Variants in TMEM79 observed in about 807,000 individuals in gnomAD.
TMEM79 encodes the protein transmembrane protein 79, also known as mattrin.
TMEM79 carries 30 observed loss-of-function variants against 31.2 expected under a neutral mutation model. The ratio of observed to expected loss-of-function variants is 0.96; its 90% confidence interval spans 0.72 to 1.30. TMEM79 has a LOEUF of 1.30. Among genes scored for constraint, TMEM79 ranks in the 50% most tolerant of loss-of-function variants. TMEM79 has a pLI of 0.00. For missense variants in TMEM79, 509 were observed against 528.2 expected (o/e 0.96, Z 0.36); for synonymous variants, 213 against 229.5 (o/e 0.93, Z 0.65).
upstream of TMEM79, among the ~76,000 whole-genome samples, chr1:156,283,821 G>A (rs1215363741): frequency 1.2e-4 from 18 of 152,108 alleles, no homozygotes; most frequent in Non-Finnish European, 2.9e-5. Flanking sequence ...TTCCCATCAG[G>A]TTTCAGCTCA....
At chr1:156,286,514 T>G (rs1386420036) in intron 3 of TMEM79, 41 bp downstream of exon 3, 1 of 1,598,246 alleles carries the variant, frequency 6.3e-7, no homozygotes, top group African/African-American at 1.3e-5. Context: ...GAGGGGATGG[T>G]GCTAGAGAAC....
chr1:156,285,588 T>C lies in TMEM79; in HGVS notation c.362T>C (p.Leu121Pro), dbSNP rs1300153513. 1 of 1,614,248 alleles carries C rather than the reference T, an allele frequency of 6.2e-7. No homozygotes were observed. Among genetic ancestry groups the C allele is most frequent in the East Asian group, 2.2e-5 (1 of 44,896 alleles). ...CTGCCCGAAGACGATGCCAACCTGC[T>C]GCCTGAGAAAGCGGCCCGTGCCTTC... ...EELPEDDANL[L>P]PEKAARAFVP... The change falls in exon 2 of 4, where the codon CTG becomes CCG. Residue 121 changes from leucine to proline, a missense_variant. Coordinates refer to ENST00000405535, the MANE Select transcript of TMEM79 (RefSeq NM_032323.3).
At chr1:156,283,707 C>A (rs1663066638), upstream of TMEM79, among the ~76,000 whole-genome samples, 2 of 152,198 alleles carry the variant, frequency 1.3e-5, no homozygotes, top group Admixed American at 1.3e-4. Context: ...ATGCTCCTGG[C>A]TGCAGCCACC....
chr1:156,288,889 G>C (rs528158128), intron 3 of TMEM79, among the ~76,000 whole-genome samples: 1 of 152,132 alleles, frequency 6.6e-6, no homozygotes, highest in Admixed American at 6.6e-5. Flanking sequence ...ATAGAAGTTG[G>C]CTTAAGCAGT....
chr1:156,282,959 G>A (rs550207964), upstream of TMEM79: 34 of 531,750 alleles, frequency 6.4e-5, no homozygotes, highest in Non-Finnish European at 9.6e-5. Flanking sequence ...GCAGCATGGC[G>A]TCTTTCCGGC....
chr1:156,289,436 G>A (rs1004154054), intron 3 of TMEM79, among the ~76,000 whole-genome samples: 2 of 152,140 alleles, frequency 1.3e-5, no homozygotes, highest in Admixed American at 6.5e-5. Flanking sequence ...GTGAAACCAC[G>A]TCTCTACTAA....
intron 3 of TMEM79, among the ~76,000 whole-genome samples, chr1:156,288,021 T>C (rs1319619230): frequency 6.6e-6 from 1 of 151,870 alleles, no homozygotes; most frequent in African/African-American, 2.4e-5. Context: ...GAGACCATCC[T>C]GGCTAACACG....
Position 156,285,835 on chromosome 1 carries a change from C to G in TMEM79, c.609C>G (p.Ser203=). 6.2e-7 allele frequency: 1 copy of G among 1,613,600 alleles called. No individual in the cohort carries two copies. The highest frequency in any genetic ancestry group is 8.5e-7 in the Non-Finnish European group (1 of 1,180,016). Residue 203 remains serine (S), a synonymous_variant, in exon 2 of 4, where the codon TCC becomes TCG. Coordinates refer to ENST00000405535, the MANE Select transcript of TMEM79 (RefSeq NM_032323.3). ...GTGAGTGGCTAAGGGCTGTGGCCTC[C>G]GTGGGAGCCGCACTCATTCTCTTCC... is the stretch of plus-strand genomic sequence containing the variant. The part of the protein sequence containing the change: ...GDREWLRAVA[S]VGAALILFPC...
In TMEM79 at chr1:156,285,536, T is replaced by A. The variant is rs75902624; in HGVS notation, c.310T>A (p.Ser104Thr). 2,804 of 1,614,076 alleles carry A rather than the reference T, an allele frequency of 1.7e-3. 46 individuals are homozygous for A. In the African/African-American group the frequency reaches 0.033, roughly 19 times the overall value. The change falls in exon 2 of 4, where the codon TCA (serine) becomes ACA (threonine). Residue 104 changes from serine to threonine, a missense_variant. Physicochemically the swap from Ser to Thr is moderately conservative, Grantham distance 58 (BLOSUM62 1). Transcript: ENST00000405535. The stretch of plus-strand genomic sequence containing the variant: ...GGACATTGAACCAGAGCCCCCTGAG[T>A]CAGAACCACTTACCAAGCTAGAGGA... ...WRDIEPEPPE[S>T]EPLTKLEELP...
chr1:156,286,065 T>C, intron 2 of TMEM79, 82 bp downstream of exon 2: 1 of 1,529,798 alleles, frequency 6.5e-7, no homozygotes, highest in South Asian at 1.3e-5. Context: ...GCAGGAGGAT[T>C]TCCCTTCACT....
chr1:156,284,149 T>C (rs926170517), upstream of TMEM79: 3 of 152,218 alleles, frequency 2.0e-5, no homozygotes, highest in African/African-American at 7.2e-5. Flanking sequence ...AATGTGAACT[T>C]ACCCCTTTGC....
At chr1:156,289,425 G>A (rs1182777270) in intron 3 of TMEM79, among the ~76,000 whole-genome samples, 1 of 152,164 alleles carries the variant, frequency 6.6e-6, no homozygotes, top group Non-Finnish European at 1.5e-5. Flanking sequence ...TGGCTAACAC[G>A]GTGAAACCAC....
In TMEM79 at chr1:156,285,692, T is replaced by G; in HGVS notation, c.466T>G (p.Cys156Gly). 1 of 1,613,350 alleles carries G rather than the reference T, an allele frequency of 6.2e-7. No individual in the cohort carries two copies. Among genetic ancestry groups the G allele is most frequent in the Non-Finnish European group, 8.5e-7 (1 of 1,179,942 alleles). The change falls in exon 2 of 4, where the codon TGC becomes GGC. Residue 156 changes from cysteine (C) to glycine (G), a missense_variant. Coordinates refer to ENST00000405535, the MANE Select transcript of TMEM79 (RefSeq NM_032323.3). The part of the protein sequence containing the change: ...IVRCEAGEGE[C>G]RTFMPPRVTH... ...GCGCTGTGAGGCAGGCGAGGGCGAG[T>G]GCCGAACCTTCATGCCCCCCCGGGT... is the stretch of plus-strand genomic sequence containing the variant.
chr1:156,292,277 A>C lies in TMEM79; in HGVS notation c.*679A>C, dbSNP rs2101597671. Reference sequence around the variant, plus strand: ...GCCTCTCCCACAGGAAGAGGGGAGCAGACAGGGAAATCTGCCTACCAAGAG... The same window carrying C: ...GCCTCTCCCACAGGAAGAGGGGAGCCGACAGGGAAATCTGCCTACCAAGAG... On this transcript the variant is annotated 3_prime_UTR_variant, in exon 4 of 4. Coordinates refer to ENST00000405535, the MANE Select transcript of TMEM79 (RefSeq NM_032323.3). The C allele has an allele frequency of 6.5e-6, 1 of 153,792 alleles. No homozygotes were observed. The highest frequency in any genetic ancestry group is 1.9e-4 in the East Asian group (1 of 5,194). The allele number at this position is 153,792 out of a possible 1,614,324, so 9.5% of individuals were successfully genotyped here.
Position 156,286,347 on chromosome 1 carries a change from G to A in TMEM79, c.845G>A (p.Arg282Gln), listed in dbSNP as rs751332618. 2.5e-5 allele frequency: 40 copies of A among 1,614,062 alleles called. No homozygotes were observed. Among genetic ancestry groups the A allele is most frequent in the South Asian group, 1.8e-4 (16 of 91,076 alleles). ...CGGCGGGAGGTGGAGATCCACCGGC[G>A]ATATGTGGCCCAGTCGGTCCAGCTC... ...EPRREVEIHR[R>Q]YVAQSVQLFI... The change falls in exon 3 of 4, where the codon CGA becomes CAA. Residue 282 changes from arginine (R) to glutamine (Q), a missense_variant. By Grantham distance (43) the Arg-to-Gln change is conservative. Coordinates refer to ENST00000405535, the MANE Select transcript of TMEM79 (RefSeq NM_032323.3).
chr1:156,287,233 G>A (rs1474831896), intron 3 of TMEM79, among the ~76,000 whole-genome samples: 1 of 152,052 alleles, frequency 6.6e-6, no homozygotes, highest in Non-Finnish European at 1.5e-5. Flanking sequence ...TGGCCAACAA[G>A]GTGAAACCCC....
chr1:156,286,087 C>T lies in TMEM79; in HGVS notation c.757+104C>T, dbSNP rs1316946178. ...GATTTCCCTTCACTTGACCTGGGCC[C>T]CTCAGGGTCTCCCACCCCCTGCCAG... is the stretch of plus-strand genomic sequence containing the variant. On this transcript the variant is annotated intron_variant, in intron 2 of 3. Coordinates refer to ENST00000405535, the MANE Select transcript of TMEM79 (RefSeq NM_032323.3). 5.3e-6 allele frequency: 8 copies of T among 1,496,390 alleles called. No homozygotes were observed. The African/African-American group carries it at 1.1e-4, about 21-fold the overall frequency. 92.7% of individuals were successfully genotyped at this position (1,496,390 alleles called of 1,614,324 possible). A position where few individuals can be genotyped will look rare whatever the true frequency, so the allele number is the denominator to read the frequency against.
rs1663157435 is a variant in TMEM79, at chr1:156,286,255, C to T, written c.758-5C>T. ...GACCCTACCCTGTTTCCCAACTCCA[C>T]CCAGGGATCCTGGTGTACGGGCTGA... On this transcript the variant is annotated splice_polypyrimidine_tract_variant and splice_region_variant and intron_variant, in intron 2 of 3. Transcript: ENST00000405535. The T allele has an allele frequency of 6.2e-7, 1 of 1,613,796 alleles. No homozygotes were observed. The highest frequency in any genetic ancestry group is 8.5e-7 in the Non-Finnish European group (1 of 1,179,728).
Position 156,285,662 on chromosome 1 carries a change from A to T in TMEM79, c.436A>T (p.Ile146Phe), listed in dbSNP as rs780116245. 1 of 1,613,920 alleles carries T rather than the reference A, an allele frequency of 6.2e-7. No homozygotes were observed. Among genetic ancestry groups the T allele is most frequent in the Non-Finnish European group, 8.5e-7 (1 of 1,179,986 alleles). Residue 146 changes from isoleucine (I) to phenylalanine (F), a missense_variant, in exon 2 of 4, where the codon ATC becomes TTC. Ile to Phe is a conservative substitution (Grantham distance 21). Transcript: ENST00000405535. The stretch of plus-strand genomic sequence containing the variant: ...TGAGCGGCAGCCCCAAGAAGACCTT[A>T]TCGTGCGCTGTGAGGCAGGCGAGGG... Reference protein sequence around the residue: ...CIERQPQEDLIVRCEAGEGEC... With the variant: ...CIERQPQEDLFVRCEAGEGEC...
Sources: gnomAD v4.1 joint callset for allele counts (sites outside exome capture counted in the v4.1 genomes callset) on GRCh38, gnomAD v4.1.1 for gene constraint, MANE v1.5 for transcripts, NCBI Gene and HGNC (gene_info 2026-07-23, HGNC 2026-07-21) for gene names.